Variants in MMP14 observed in about 807,000 individuals in gnomAD.
The protein encoded by MMP14 is matrix metallopeptidase 14.
MMP14 carries 13 observed loss-of-function variants against 64.8 expected under a neutral mutation model. The observed-to-expected ratio is 0.20, with a 90% CI of 0.13 to 0.32. The LOEUF is 0.32. MMP14 is among the 10% of genes least tolerant of loss of function. The pLI, the probability that MMP14 is intolerant of heterozygous loss-of-function variation, is 1.00. For synonymous variants in MMP14, 322 were observed against 315.9 expected (o/e 1.02, Z -0.20); for missense variants, 594 against 783.8 (o/e 0.76, Z 2.89).
intron 1 of MMP14, among the ~76,000 whole-genome samples, chr14:22,839,451 G>A (rs1044336864): frequency 6.6e-6 from 1 of 152,228 alleles, no homozygotes; most frequent in African/African-American, 2.4e-5. Context: ...GTATACCAAA[G>A]GTTAAATGTC....
intron 1 of MMP14, chr14:22,837,326 G>A (rs2039741321): frequency 1.1e-5 from 5 of 463,120 alleles, no homozygotes; most frequent in Non-Finnish European, 2.2e-5. Context: ...GCGAGAGTTT[G>A]TTGTTTCTTC....
At chr14:22,837,221 C>G (rs1159538559) in intron 1 of MMP14, 2 of 590,096 alleles carry the variant, frequency 3.4e-6, no homozygotes, top group East Asian at 3.7e-5. Context: ...CTCCCCCTTC[C>G]CCGATTCCCT....
chr14:22,841,664 T>C, intron 2 of MMP14, 25 bp downstream of exon 2: 5 of 1,612,804 alleles, frequency 3.1e-6, no homozygotes, highest in Non-Finnish European at 4.2e-6. Context: ...CTGGCAGGAG[T>C]TCTGCCTAGC....
chr14:22,839,784 C>G (rs1019611592), intron 1 of MMP14, among the ~76,000 whole-genome samples: 2 of 152,056 alleles, frequency 1.3e-5, no homozygotes, highest in African/African-American at 4.8e-5. Context: ...GATACAGCAC[C>G]CAACAGCAGC....
rs531022139 is a variant in MMP14, at chr14:22,844,870, C to T, written c.1301+90C>T. On this transcript the variant is annotated intron_variant, in intron 8 of 9. Transcript: ENST00000311852. ...GTTCTGGAGAAAGACCCACTTTACC[C>T]CCAACATGCTTCCCTGGAGAAGGAG... 70 of 1,536,830 alleles carry T rather than the reference C, an allele frequency of 4.6e-5. 2 individuals carry two copies. The Admixed American group carries it at 9.4e-4, about 21-fold the overall frequency.
At chr14:22,838,578 C>G in intron 1 of MMP14, among the ~76,000 whole-genome samples, 1 of 152,190 alleles carries the variant, frequency 6.6e-6, no homozygotes, top group Non-Finnish European at 1.5e-5. Context: ...CTCTCATTCG[C>G]AAAGACAAAG....
intron 1 of MMP14, among the ~76,000 whole-genome samples, chr14:22,838,251 C>A (rs1056462433): frequency 6.6e-6 from 1 of 152,184 alleles, no homozygotes; most frequent in African/African-American, 2.4e-5. Flanking sequence ...AAAGGGAGCG[C>A]CCCTAACAAA....
At position 22,845,999 on chromosome 14, in the gene MMP14, G is replaced by A. The variant is rs754998921; in HGVS notation, c.1709G>A (p.Arg570Gln). 1.2e-5 allele frequency: 19 copies of A among 1,534,180 alleles called. No individual in the cohort carries two copies. The highest frequency in any genetic ancestry group is 1.2e-4 in the Admixed American group (6 of 50,240). Residue 570 changes from arginine to glutamine, a missense_variant, in exon 10 of 10, where the codon CGA becomes CAA. This residue lies in a region of MMP14 where 364 missense variants were observed against 425.2 expected (regional missense o/e 0.86). Coordinates refer to ENST00000311852, the MANE Select transcript of MMP14 (RefSeq NM_004995.4). Reference sequence around the variant, plus strand: ...TTCAGACGCCATGGGACCCCCAGGCGACTGCTCTACTGCCAGCGTTCCCTG... The same window carrying A: ...TTCAGACGCCATGGGACCCCCAGGCAACTGCTCTACTGCCAGCGTTCCCTG... ...FFFRRHGTPR[R>Q]LLYCQRSLLD...
At position 22,836,928 on chromosome 14, in the gene MMP14, A is replaced by C; in HGVS notation, c.108+3A>C. ...AAAGCAGCAGCTTCAGCCCCGAAGT[A>C]AGTGAGCTTCCCGGCCCTTCCCGGA... On this transcript the variant is annotated splice_donor_region_variant and intron_variant, in intron 1 of 9. Coordinates refer to ENST00000311852, the MANE Select transcript of MMP14 (RefSeq NM_004995.4). 1 of 1,612,186 alleles carries C rather than the reference A, an allele frequency of 6.2e-7. No individual in the cohort carries two copies. The highest frequency in any genetic ancestry group is 8.5e-7 in the Non-Finnish European group (1 of 1,178,950).
At chr14:22,837,484 G>A in intron 1 of MMP14, 1 of 444,966 alleles carries the variant, frequency 2.2e-6, no homozygotes, top group African/African-American at 2.0e-5. Flanking sequence ...CACAGCCCCC[G>A]TCTCCCCGAG....
At chr14:22,836,956 C>G in intron 1 of MMP14, 31 bp downstream of exon 1, 1 of 1,571,376 alleles carries the variant, frequency 6.4e-7, no homozygotes, top group Non-Finnish European at 8.7e-7. Context: ...TTCCCGGAGT[C>G]GCGCCCGCCG....
Position 22,847,638 on chromosome 14 carries a change from G to A in MMP14, c.*1599G>A, listed in dbSNP as rs2039824987. ...GTTAACAAGGGGCATGGGGAGGGGT[G>A]GGGGTGGGGGGGCAGAGGCGTCTGA... On this transcript the variant is annotated 3_prime_UTR_variant, in exon 10 of 10. Transcript: ENST00000311852. 1.3e-5 allele frequency: 2 copies of A among 151,682 alleles called. No homozygotes were observed. Among genetic ancestry groups the A allele is most frequent in the South Asian group, 2.1e-4 (1 of 4,792 alleles). The allele number at this position is 151,682 out of a possible 1,614,324, so 9.4% of individuals were successfully genotyped here. A position where few individuals can be genotyped will look rare whatever the true frequency, so the allele number is the denominator to read the frequency against.
At position 22,841,599 on chromosome 14, in the gene MMP14, G is replaced by A. The variant is rs145350786; in HGVS notation, c.217G>A (p.Gly73Ser). ...CATCGCTGCCATGCAGAAGTTTTAC[G>A]GCTTGCAAGTAACAGGCAAAGCTGA... ...AAIAAMQKFY[G>S]LQVTGKADAD... Residue 73 changes from glycine (G) to serine (S), a missense_variant, in exon 2 of 10, where the codon GGC (glycine) becomes AGC (serine). By Grantham distance (56) the Gly-to-Ser change is moderately conservative (BLOSUM62 0). This residue lies in a region of MMP14 where 179 missense variants were observed against 283.4 expected (regional missense o/e 0.63). Coordinates refer to ENST00000311852, the MANE Select transcript of MMP14 (RefSeq NM_004995.4). 89 of 1,613,886 alleles carry A rather than the reference G, an allele frequency of 5.5e-5. No individual in the cohort carries two copies. The highest frequency in any genetic ancestry group is 1.9e-4 in the African/African-American group (14 of 74,872).
chr14:22,842,911 C>T lies in MMP14; in HGVS notation c.688+194C>T, dbSNP rs184491430. ...CCCCTCTCACCCACTGACTGGCTTT[C>T]CAGTCAAAGACTTCAAAGCATCCTT... On this transcript the variant is annotated intron_variant, in intron 4 of 9. Coordinates refer to ENST00000311852, the MANE Select transcript of MMP14 (RefSeq NM_004995.4). This position sits in a 1 kb window ranked among gnomAD's most constrained non-coding sequence, Gnocchi z 5.3. Among the ~76,000 whole-genome samples, 82 of 152,220 alleles carry T rather than the reference C, an allele frequency of 5.4e-4. 1 individual carries two copies. Among genetic ancestry groups the T allele is most frequent in the Non-Finnish European group, 1.3e-4 (9 of 68,008 alleles).
Position 22,838,813 on chromosome 14 carries a change from G to A in MMP14, c.108+1888G>A, listed in dbSNP as rs576637318. 1.8e-4 allele frequency among the ~76,000 whole-genome samples: 27 copies of A among 152,248 alleles called. 1 individual carries two copies. The South Asian group carries it at 4.8e-3, about 27-fold the overall frequency. On this transcript the variant is annotated intron_variant, in intron 1 of 9. Transcript: ENST00000311852. Reference sequence around the variant, plus strand: ...CAAGAGTCCTCTCTTCTGTGGTTTCGACCTCATAGTCTCTGTGAGGAGAGA... The same window carrying A: ...CAAGAGTCCTCTCTTCTGTGGTTTCAACCTCATAGTCTCTGTGAGGAGAGA...
chr14:22,838,910 C>T (rs2039753676), intron 1 of MMP14, among the ~76,000 whole-genome samples: 1 of 152,206 alleles, frequency 6.6e-6, no homozygotes, highest in South Asian at 2.1e-4. Flanking sequence ...TCTCTTGACT[C>T]CAGGGAAGTC....
intron 8 of MMP14, 53 bp from the exon 9 acceptor site, chr14:22,845,198 C>T: frequency 7.2e-7 from 1 of 1,384,340 alleles, no homozygotes; most frequent in South Asian, 1.2e-5. Flanking sequence ...GGTCTTGCGC[C>T]TCCTGAGGAC....
intron 1 of MMP14, among the ~76,000 whole-genome samples, chr14:22,840,246 C>T (rs372358189): frequency 2.0e-5 from 3 of 152,256 alleles, no homozygotes; most frequent in East Asian, 1.9e-4. Flanking sequence ...GGATTACAGG[C>T]GTCAGCCACC....
rs370906040 is a variant in MMP14, at chr14:22,841,442, C to A, written c.109-49C>A. 1.0e-5 allele frequency: 16 copies of A among 1,600,810 alleles called. No homozygotes were observed. In the Admixed American group the frequency reaches 1.5e-4, roughly 15 times the overall value. On this transcript the variant is annotated intron_variant, in intron 1 of 9. Coordinates refer to ENST00000311852, the MANE Select transcript of MMP14 (RefSeq NM_004995.4). ...GGGCATTGTCGGGGAGGTAGAGGCA[C>A]CCTATGGGCCAGGTGGGGACACTCT...
Sources: allele counts gnomAD v4.1 joint callset (sites outside exome capture counted in the v4.1 genomes callset), GRCh38; gene constraint gnomAD v4.1.1; regional missense constraint gnomAD v4.1.1; non-coding constraint Gnocchi (gnomAD v3.1); transcripts MANE v1.5; gene names NCBI Gene and HGNC (gene_info 2026-07-23, HGNC 2026-07-21).